Variants in ZNF345 observed in about 807,000 individuals in gnomAD.
ZNF345 encodes zinc finger protein HZF10.
For missense variants in ZNF345, 527 were observed against 589.9 expected (o/e 0.89, Z 1.10); for synonymous variants, 166 against 187.9 (o/e 0.88, Z 0.95).
chr19:36,852,605 CA>C (rs758224332), intron 2 of ZNF345, among the ~76,000 whole-genome samples: 4,860 of 85,320 alleles, frequency 0.057, 157 homozygotes, highest in African/African-American at 0.14. Context: ...GACTCCATCT[CA>C]AAAAAAAAAA....
At chr19:36,870,037 T>G (rs2072742040) in intron 2 of ZNF345, among the ~76,000 whole-genome samples, 1 of 152,200 alleles carries the variant, frequency 6.6e-6, no homozygotes, top group Non-Finnish European at 1.5e-5. Flanking sequence ...CACCTTGGCC[T>G]CCCAAAGTGC....
At chr19:36,862,593 G>T (rs1190762111) in intron 2 of ZNF345, among the ~76,000 whole-genome samples, 1 of 150,552 alleles carries the variant, frequency 6.6e-6, no homozygotes, top group Non-Finnish European at 1.5e-5. Flanking sequence ...GAACCTGGGA[G>T]GCAGAGGTTG....
At chr19:36,873,316 A>T (rs989712504) in intron 2 of ZNF345, among the ~76,000 whole-genome samples, 1 of 151,934 alleles carries the variant, frequency 6.6e-6, no homozygotes, top group African/African-American at 2.4e-5. Context: ...ACTGTCTTTT[A>T]TCTTACAGGC....
intron 2 of ZNF345, among the ~76,000 whole-genome samples, chr19:36,866,465 A>G (rs1280221130): frequency 6.6e-6 from 1 of 152,242 alleles, no homozygotes; most frequent in Non-Finnish European, 1.5e-5. Context: ...CCAACTTTGT[A>G]TAACTCCCTA....
At chr19:36,891,443 TA>T (rs768649215) in intron 3 of ZNF345, 2 of 1,496,856 alleles carry the variant, frequency 1.3e-6, no homozygotes, top group Non-Finnish European at 1.8e-6. Flanking sequence ...TTACCTGTTT[TA>T]AAAAAATTAT....
Position 36,886,758 on chromosome 19 carries a change from C to T in ZNF345, c.47-6060C>T, listed in dbSNP as rs1390949926. Among the ~76,000 whole-genome samples the T allele has an allele frequency of 4.7e-5, 7 of 150,412 alleles. No individual in the cohort carries two copies. The East Asian group carries it at 7.9e-4, about 17-fold the overall frequency. ...ATCCCAGCACTTTGGGAGGCCGAGG[C>T]GGGCGGATCACGAGGTCAGGAGATC... On this transcript the variant is annotated intron_variant, in intron 3 of 3. Transcript: ENST00000526123.
chr19:36,886,884 C>T (rs1482432491), intron 3 of ZNF345, among the ~76,000 whole-genome samples: 3 of 151,052 alleles, frequency 2.0e-5, no homozygotes, highest in African/African-American at 7.3e-5. Context: ...ATCCCAGCTA[C>T]TCGGGAGGCT....
intron 2 of ZNF345, among the ~76,000 whole-genome samples, chr19:36,867,680 C>T (rs556442862): frequency 6.6e-6 from 1 of 152,272 alleles, no homozygotes; most frequent in African/African-American, 2.4e-5. Flanking sequence ...CCATCTTGAG[C>T]TCACATTTTA....
downstream of ZNF345, among the ~76,000 whole-genome samples, chr19:36,884,031 C>T (rs2072983026): frequency 6.6e-6 from 1 of 151,968 alleles, no homozygotes; most frequent in Non-Finnish European, 1.5e-5. Flanking sequence ...ATTCACAGAA[C>T]TCAAGATAAT....
chr19:36,861,091 CTGT>C (rs2072537371), intron 2 of ZNF345, among the ~76,000 whole-genome samples: 1 of 152,102 alleles, frequency 6.6e-6, no homozygotes, highest in Non-Finnish European at 1.5e-5. Flanking sequence ...GGGTTATAAT[CTGT>C]TGTTATTTAT....
intron 2 of ZNF345, among the ~76,000 whole-genome samples, chr19:36,859,225 G>T (rs2072492177): frequency 6.6e-6 from 1 of 151,838 alleles, no homozygotes; most frequent in Non-Finnish European, 1.5e-5. Context: ...CATGATCTCA[G>T]CTCACTGCAG....
chr19:36,891,879 G>C, intron 3 of ZNF345: 1 of 1,613,908 alleles, frequency 6.2e-7, no homozygotes, highest in East Asian at 2.2e-5. Context: ...GTTGAGTAAA[G>C]GCTTTCCCAC....
At chr19:36,865,099 G>A (rs950544728) in intron 2 of ZNF345, among the ~76,000 whole-genome samples, 2 of 152,284 alleles carry the variant, frequency 1.3e-5, no homozygotes, top group South Asian at 4.1e-4. Flanking sequence ...CATGCTGCAG[G>A]AACTGGGTGC....
chr19:36,853,187 C>T (rs541332119), intron 2 of ZNF345, among the ~76,000 whole-genome samples: 1 of 142,338 alleles, frequency 7.0e-6, no homozygotes, highest in African/African-American at 2.5e-5. Flanking sequence ...TTTTTGTCTA[C>T]CTCAAGATAA....
chr19:36,884,944 C>T (rs1469771809), intron 3 of ZNF345, among the ~76,000 whole-genome samples: 1 of 152,096 alleles, frequency 6.6e-6, no homozygotes, highest in East Asian at 1.9e-4. Flanking sequence ...CTCTGGGAAC[C>T]TTCTTATACA....
intron 2 of ZNF345, among the ~76,000 whole-genome samples, chr19:36,859,550 A>G (rs963356985): frequency 6.7e-6 from 1 of 150,316 alleles, no homozygotes; most frequent in Non-Finnish European, 1.5e-5. Context: ...TCTGTTTTAT[A>G]TTATTTTTAT....
intron 2 of ZNF345, among the ~76,000 whole-genome samples, chr19:36,855,619 A>C (rs1409330877): frequency 6.6e-6 from 1 of 150,902 alleles, no homozygotes; most frequent in Non-Finnish European, 1.5e-5. Context: ...CGCCTGGCTA[A>C]TTTTGTATTT....
Position 36,873,517 on chromosome 19 carries a change from A to G in ZNF345, c.-46-3268A>G, listed in dbSNP as rs1005081669. Among the ~76,000 whole-genome samples, 3 of 152,158 alleles carry G rather than the reference A, an allele frequency of 2.0e-5. No homozygotes were observed. In the South Asian group the frequency reaches 6.2e-4, roughly 31 times the overall value. On this transcript the variant is annotated intron_variant, in intron 2 of 2. Transcript: ENST00000420450. ...CAAGAGCACCTAAAAATCTACTCTC[A>G]TCAAAAATCTCAAATACAATACAAT...
chr19:36,877,276 A>G lies in ZNF345; in HGVS notation c.446A>G (p.Lys149Arg), dbSNP rs2072902724. 6.2e-7 allele frequency: 1 copy of G among 1,614,126 alleles called. No homozygotes were observed. Among genetic ancestry groups the G allele is most frequent in the East Asian group, 2.2e-5 (1 of 44,860 alleles). ...ACTGGTGAGAAACCCTATGAGTGTA[A>G]GGAATGTGGGAAAGCCTTTAGTTTT... ...IHTGEKPYEC[K>R]ECGKAFSFGS... Residue 149 changes from lysine (K) to arginine (R), a missense_variant, in exon 3 of 3, where the codon AAG becomes AGG. Physicochemically the swap from Lys to Arg is conservative, Grantham distance 26 (BLOSUM62 2). Transcript: ENST00000420450.
Sources: gnomAD v4.1 joint callset for allele counts (sites outside exome capture counted in the v4.1 genomes callset) on GRCh38, gnomAD v4.1.1 for gene constraint, MANE v1.5 for transcripts, NCBI Gene and HGNC (gene_info 2026-07-23, HGNC 2026-07-21) for gene names.